RASGRF2: variants seen among roughly 807,000 people sequenced by gnomAD.
The protein encoded by RASGRF2 is ras-specific guanine nucleotide-releasing factor 2.
Under a neutral mutation model 151.0 loss-of-function variants are expected in RASGRF2, and 76 were observed. The ratio of observed to expected loss-of-function variants is 0.50; its 90% CI spans 0.42 to 0.61. The LOEUF (loss-of-function observed/expected upper bound fraction) is 0.61, where lower values mean the gene tolerates loss of function less well. Among genes scored for constraint, RASGRF2 ranks in the 20% least tolerant of loss-of-function variants. The pLI is 0.00. For synonymous variants in RASGRF2, 504 were observed against 566.5 expected (o/e 0.89, Z 1.57); for missense variants, 1,148 against 1,564.6 (o/e 0.73, Z 4.49).
chr5:81,207,496 C>G, intron 21 of RASGRF2, 147 bp downstream of exon 21: 1 of 683,030 alleles, frequency 1.5e-6, no homozygotes, highest in Non-Finnish European at 2.5e-6. Context: ...GGAACTGGCA[C>G]GCCTCTGTGT....
chr5:81,123,865 T>C, intron 16 of RASGRF2, 98 bp downstream of exon 16: 1 of 1,403,628 alleles, frequency 7.1e-7, no homozygotes, highest in Non-Finnish European at 9.6e-7. Flanking sequence ...CAAAATAATT[T>C]TTTTAGTCTC....
intron 12 of RASGRF2, among the ~76,000 whole-genome samples, chr5:81,100,376 T>G (rs1367612797): frequency 6.6e-6 from 1 of 152,166 alleles, no homozygotes; most frequent in Non-Finnish European, 1.5e-5. Flanking sequence ...ACTTAAGACT[T>G]TTAGCTTTGC....
intron 17 of RASGRF2, among the ~76,000 whole-genome samples, chr5:81,156,191 A>G (rs1328308197): frequency 6.6e-6 from 1 of 152,216 alleles, no homozygotes; most frequent in African/African-American, 2.4e-5. Flanking sequence ...ATTAGTAATT[A>G]AAATTTTTCC....
chr5:81,130,934 G>A (rs944564855), intron 17 of RASGRF2, among the ~76,000 whole-genome samples: 1 of 152,102 alleles, frequency 6.6e-6, no homozygotes, highest in Non-Finnish European at 1.5e-5. Context: ...TGCGGAGTGG[G>A]TTTCCATGTT....
At chr5:81,087,833 A>G (rs1041507715) in intron 9 of RASGRF2, 7 of 163,914 alleles carry the variant, frequency 4.3e-5, no homozygotes, top group South Asian at 1.7e-4. Flanking sequence ...TAATGTGCCA[A>G]TACATTTGAA....
intron 21 of RASGRF2, among the ~76,000 whole-genome samples, chr5:81,207,620 A>G (rs1755539705): frequency 6.6e-6 from 1 of 152,182 alleles, no homozygotes; most frequent in African/African-American, 2.4e-5. Context: ...TAATGACTAT[A>G]CAAAATAATT....
chr5:80,988,004 TGTGC>T lies in RASGRF2; in HGVS notation c.288+26982_288+26985del, dbSNP rs1008849607. ...TACTCATGTGTAGTTTTGAAATAAA[TGTGC>T]GTGTGTGTGTGTGTGTGTGTGTGTG... On this transcript the variant is annotated intron_variant, in intron 1 of 26. Coordinates refer to ENST00000265080, the MANE Select transcript of RASGRF2 (RefSeq NM_006909.3). 2.7e-4 allele frequency among the ~76,000 whole-genome samples: 34 copies of T among 124,010 alleles called. 1 individual carries two copies. Among genetic ancestry groups the T allele is most frequent in the South Asian group, 1.4e-3 (5 of 3,650 alleles). The allele number at this position is 124,010 out of a possible 152,430, so 81.4% of individuals were successfully genotyped here.
At position 81,042,926 on chromosome 5, in the gene RASGRF2, T is replaced by C; in HGVS notation, c.338T>C (p.Leu113Pro). 6.2e-7 allele frequency: 1 copy of C among 1,613,192 alleles called. No individual in the cohort carries two copies. Among genetic ancestry groups the C allele is most frequent in the Non-Finnish European group, 8.5e-7 (1 of 1,179,710 alleles). The change falls in exon 2 of 27, where the codon CTG becomes CCG. Residue 113 changes from leucine (L) to proline (P), a missense_variant. By Grantham distance (98) the Leu-to-Pro change is moderately conservative (BLOSUM62 -3). Coordinates refer to ENST00000265080, the MANE Select transcript of RASGRF2 (RefSeq NM_006909.3). ...FGHEGQKPLELRCEEEQDGKE... is the reference protein window; with the variant it reads ...FGHEGQKPLEPRCEEEQDGKE... ...CATGAAGGTCAGAAGCCACTGGAGC[T>C]GCGCTGTGAGGAGGAGCAGGATGGT...
At chr5:81,133,707 T>G (rs1753681095) in intron 17 of RASGRF2, among the ~76,000 whole-genome samples, 1 of 152,262 alleles carries the variant, frequency 6.6e-6, no homozygotes, top group Non-Finnish European at 1.5e-5. Flanking sequence ...TATGTTTTAC[T>G]GTTCTATGCA....
chr5:81,016,639 G>A (rs1467950455), intron 1 of RASGRF2, among the ~76,000 whole-genome samples: 2 of 152,038 alleles, frequency 1.3e-5, no homozygotes, highest in Non-Finnish European at 2.9e-5. Flanking sequence ...CTATCAAAAT[G>A]TATTTAATAG....
chr5:81,192,820 C>T (rs1755178901), intron 18 of RASGRF2, among the ~76,000 whole-genome samples: 1 of 152,158 alleles, frequency 6.6e-6, no homozygotes. Flanking sequence ...CTCAGCTTCC[C>T]AGTTTACAAA....
chr5:81,186,780 A>G (rs1755035917), intron 18 of RASGRF2, among the ~76,000 whole-genome samples: 1 of 152,166 alleles, frequency 6.6e-6, no homozygotes, highest in African/African-American at 2.4e-5. Context: ...TTCAGTCCTC[A>G]TGTGTCTTTG....
intron 15 of RASGRF2, among the ~76,000 whole-genome samples, chr5:81,122,037 C>G (rs1213559191): frequency 1.3e-5 from 2 of 152,230 alleles, no homozygotes; most frequent in Non-Finnish European, 2.9e-5. Context: ...AAGCTGTTTG[C>G]AAGGAGCCTG....
chr5:81,115,488 G>C (rs1418266929), intron 15 of RASGRF2, among the ~76,000 whole-genome samples: 1 of 152,152 alleles, frequency 6.6e-6, no homozygotes, highest in Non-Finnish European at 1.5e-5. Context: ...TGGGGCATGG[G>C]GGTATGGGAA....
chr5:81,067,646 C>T (rs1477496428), intron 2 of RASGRF2, among the ~76,000 whole-genome samples: 1 of 152,120 alleles, frequency 6.6e-6, no homozygotes, highest in Non-Finnish European at 1.5e-5. Flanking sequence ...TAATATCTTA[C>T]TCGGTGAAAT....
At chr5:80,968,745 G>A (rs1026282512) in intron 1 of RASGRF2, among the ~76,000 whole-genome samples, 2 of 152,088 alleles carry the variant, frequency 1.3e-5, no homozygotes, top group African/African-American at 2.4e-5. Flanking sequence ...GTGAAGTGGC[G>A]CAGTCATAGC....
At chr5:81,006,940 A>T (rs1438852632) in intron 1 of RASGRF2, among the ~76,000 whole-genome samples, 1 of 152,086 alleles carries the variant, frequency 6.6e-6, no homozygotes, top group Admixed American at 6.6e-5. Context: ...AGGCCATTGT[A>T]TGTTCCTCGA....
chr5:81,193,188 G>A lies in RASGRF2; in HGVS notation c.2794-8142G>A, dbSNP rs183161230. Among the ~76,000 whole-genome samples the A allele has an allele frequency of 1.1e-4, 17 of 152,192 alleles. 1 individual carries two copies. Among genetic ancestry groups the A allele is most frequent in the South Asian group, 1.0e-3 (5 of 4,816 alleles). On this transcript the variant is annotated intron_variant, in intron 18 of 26. Transcript: ENST00000265080. ...TTTCCCAATGTCCTAGAGTTCCCTT[G>A]GCCATGTATAGTAAATTACTAATTA... is the stretch of plus-strand genomic sequence containing the variant.
At chr5:81,043,084 G>A in intron 2 of RASGRF2, 101 bp downstream of exon 2, 1 of 821,320 alleles carries the variant, frequency 1.2e-6, no homozygotes, top group Non-Finnish European at 1.9e-6. Context: ...ACTCTAAGAT[G>A]AGTTTTCTCC....
Sources: allele counts gnomAD v4.1 joint callset (sites outside exome capture counted in the v4.1 genomes callset), GRCh38; gene constraint gnomAD v4.1.1; transcripts MANE v1.5; gene names NCBI Gene and HGNC (gene_info 2026-07-23, HGNC 2026-07-21).